FSAF1: variants seen among roughly 807,000 people sequenced by gnomAD.
FSAF1 encodes the protein uncharacterized protein C1orf131.
the FSAF1 span, chr1:231,227,065 G>A: frequency 3.5e-5 from 57 of 1,613,834 alleles, no homozygotes; most frequent in African/African-American, 2.3e-4. Flanking sequence ...ACTTCTAAAC[G>A]AGCCTGCGGA....
At chr1:231,230,035 G>A in the FSAF1 span, among the ~76,000 whole-genome samples, 1 of 152,098 alleles carries the variant, frequency 6.6e-6, no homozygotes, top group African/African-American at 2.4e-5. Flanking sequence ...TAAAAAAATG[G>A]AAAACAGAAA....
chr1:231,237,748 T>C, the FSAF1 span: 1 of 152,254 alleles, frequency 6.6e-6, no homozygotes, highest in African/African-American at 2.4e-5. Flanking sequence ...TAATTTGTTA[T>C]AGCAGGCTTA....
At chr1:231,239,273 T>C in the FSAF1 span, 3 of 1,222,058 alleles carry the variant, frequency 2.5e-6, no homozygotes, top group South Asian at 1.6e-5. Flanking sequence ...TATTTGTACA[T>C]ATTCCAGGGC....
At chr1:231,225,345 T>TA in the FSAF1 span, 1 of 853,290 alleles carries the variant, frequency 1.2e-6, no homozygotes, top group Non-Finnish European at 1.9e-6. Context: ...TTGACAAGGA[T>TA]AAATGAGAGA....
chr1:231,224,183 T>C, the FSAF1 span: 2 of 1,330,504 alleles, frequency 1.5e-6, no homozygotes, highest in Non-Finnish European at 1.0e-6. Context: ...GTCTGTGAAA[T>C]GCGTGTTAAG....
At chr1:231,226,747 T>C in the FSAF1 span, 2 of 1,603,850 alleles carry the variant, frequency 1.2e-6, no homozygotes, top group African/African-American at 1.3e-5. Context: ...ACCAGTCTCT[T>C]TTCTTCTTCC....
chr1:231,230,850 G>A, the FSAF1 span, among the ~76,000 whole-genome samples: 1 of 152,226 alleles, frequency 6.6e-6, no homozygotes, highest in African/African-American at 2.4e-5. Context: ...TGGATAAAGT[G>A]TGATAAGTGT....
At chr1:231,231,160 T>A in the FSAF1 span, among the ~76,000 whole-genome samples, 1 of 152,216 alleles carries the variant, frequency 6.6e-6, no homozygotes, top group Non-Finnish European at 1.5e-5. Flanking sequence ...GCTGACAGCA[T>A]CAAGTGCCTT....
chr1:231,236,465 G>A, the FSAF1 span, among the ~76,000 whole-genome samples: 1 of 152,164 alleles, frequency 6.6e-6, no homozygotes, highest in Non-Finnish European at 1.5e-5. Context: ...GTGAGCTGAG[G>A]CTCCTGAGAA....
chr1:231,235,872 C>A, the FSAF1 span, among the ~76,000 whole-genome samples: 35 of 152,160 alleles, frequency 2.3e-4, no homozygotes, highest in African/African-American at 8.5e-4. Flanking sequence ...TGCTTCAATG[C>A]ACGATGCAGC....
chr1:231,238,688 A>G, the FSAF1 span: 10 of 603,344 alleles, frequency 1.7e-5, no homozygotes, highest in East Asian at 2.8e-4. Flanking sequence ...CTGTAGGCCT[A>G]CATGACTGAT....
chr1:231,234,101 A>G, the FSAF1 span, among the ~76,000 whole-genome samples: 1 of 152,216 alleles, frequency 6.6e-6, no homozygotes, highest in African/African-American at 2.4e-5. The surrounding 1 kb of genome is among the most constrained non-coding windows in gnomAD (Gnocchi z 4.0). Flanking sequence ...TGAGTTAATG[A>G]ACATAAACAA....
chr1:231,235,088 T>A, the FSAF1 span, among the ~76,000 whole-genome samples: 1 of 152,226 alleles, frequency 6.6e-6, no homozygotes, highest in African/African-American at 2.4e-5. Context: ...TCTTCTTCAC[T>A]GCTCCATCTG....
the FSAF1 span, among the ~76,000 whole-genome samples, chr1:231,227,852 G>C: frequency 7.9e-3 from 1,200 of 152,220 alleles, 10 homozygotes; most frequent in Non-Finnish European, 0.011. Context: ...GCCTCCCAAA[G>C]TGCTGGGATT....
the FSAF1 span, among the ~76,000 whole-genome samples, chr1:231,230,152 T>C: frequency 6.6e-6 from 1 of 152,096 alleles, no homozygotes. Context: ...CAATACTTTT[T>C]AGGGTCTCAA....
At chr1:231,226,204 C>T in the FSAF1 span, among the ~76,000 whole-genome samples, 1 of 152,040 alleles carries the variant, frequency 6.6e-6, no homozygotes, top group African/African-American at 2.4e-5. Flanking sequence ...GTGCTGTCCT[C>T]ATGGTAATGA....
chr1:231,225,808 G>A, the FSAF1 span: 6 of 406,682 alleles, frequency 1.5e-5, no homozygotes, highest in South Asian at 1.3e-4. Flanking sequence ...GGGCAACACA[G>A]CAAGATCCTG....
At chr1:231,229,914 G>A in the FSAF1 span, among the ~76,000 whole-genome samples, 1 of 152,082 alleles carries the variant, frequency 6.6e-6, no homozygotes, top group African/African-American at 2.4e-5. Context: ...TTCTGAAGAT[G>A]GATGGTAATG....
At chr1:231,237,096 G>C in the FSAF1 span, 1 of 151,908 alleles carries the variant, frequency 6.6e-6, no homozygotes, top group African/African-American at 2.4e-5. Flanking sequence ...CTGAAGTCAA[G>C]CAATCCTCTG....
Sources: allele counts gnomAD v4.1 joint callset (sites outside exome capture counted in the v4.1 genomes callset), GRCh38; gene constraint gnomAD v4.1.1; non-coding constraint Gnocchi (gnomAD v3.1); transcripts MANE v1.5; gene names NCBI Gene and HGNC (gene_info 2026-07-23, HGNC 2026-07-21).